The following SMAD7 variants were observed in gnomAD, a reference collection of about 807,000 sequenced individuals.
SMAD7 encodes MAD (mothers against decapentaplegic, Drosophila) homolog 7.
SMAD7 carries 8 observed loss-of-function variants against 38.7 expected under a neutral mutation model. The ratio of observed to expected loss-of-function variants is 0.21; its 90% CI spans 0.12 to 0.37. The LOEUF (loss-of-function observed/expected upper bound fraction) is 0.37. Among genes scored for constraint, SMAD7 ranks in the 10% least tolerant of loss-of-function variants. The pLI is 1.00. For missense variants in SMAD7, 477 were observed against 577.9 expected, an observed-to-expected ratio of 0.83 and a Z score of 1.79; for synonymous variants, 327 against 265.1, an observed-to-expected ratio of 1.23 and a Z score of -2.27.
Position 48,950,512 on chromosome 18 carries a change from T to C in SMAD7, c.-88A>G. The C allele has an allele frequency of 1.5e-6, 2 of 1,342,154 alleles. No individual in the cohort carries two copies. The highest frequency in any genetic ancestry group is 2.0e-6 in the Non-Finnish European group (2 of 1,014,640). 83.1% of individuals were successfully genotyped at this position (1,342,154 alleles called of 1,614,324 possible). ...CACCATGAAGAAGTCGGGCGCCGAG[T>C]TGGGGCAGCAGGCGCAGGCGACAGC... On this transcript the variant is annotated 5_prime_UTR_variant, in exon 1 of 4. Coordinates refer to ENST00000262158, the MANE Select transcript of SMAD7 (RefSeq NM_005904.4).
Position 48,921,111 on chromosome 18 carries a change from C to T in SMAD7, c.*261G>A. Reference sequence around the variant, plus strand: ...TGGTGCTTGGATTTCTGCTTCCCCTCTTCCTATCAGGGTGTCCTGCCGATC... The same window carrying T: ...TGGTGCTTGGATTTCTGCTTCCCCTTTTCCTATCAGGGTGTCCTGCCGATC... On this transcript the variant is annotated 3_prime_UTR_variant, in exon 4 of 4. Coordinates refer to ENST00000262158, the MANE Select transcript of SMAD7 (RefSeq NM_005904.4). This position sits in a 1 kb window ranked among gnomAD's most constrained non-coding sequence, Gnocchi z 6.4. The T allele has an allele frequency of 2.1e-6, 1 of 487,118 alleles. No individual in the cohort carries two copies. Among genetic ancestry groups the T allele is most frequent in the Admixed American group, 3.7e-5 (1 of 26,732 alleles). The allele number at this position is 487,118 out of a possible 1,614,324, so 30.2% of individuals were successfully genotyped here. A position where few individuals can be genotyped will look rare whatever the true frequency, so the allele number is the denominator to read the frequency against.
At chr18:48,935,023 T>C (rs1484255900) in intron 3 of SMAD7, among the ~76,000 whole-genome samples, 1 of 152,178 alleles carries the variant, frequency 6.6e-6, no homozygotes, top group Non-Finnish European at 1.5e-5. Flanking sequence ...TCTTAGAGTA[T>C]AAATACGATC....
At position 48,940,814 on chromosome 18, in the gene SMAD7, GA is replaced by G. The variant is rs78102075; in HGVS notation, c.742+1666del. ...GACAGAGCGAGACTTTGTCAAAAAA[GA>G]AAAAAAAAAAAAAGCCCACCCATCT... On this transcript the variant is annotated intron_variant, in intron 3 of 3. Transcript: ENST00000262158. Among the ~76,000 whole-genome samples the G allele has an allele frequency of 9.9e-3, 1,032 of 104,574 alleles. 8 individuals are homozygous for G. Among genetic ancestry groups the G allele is most frequent in the Non-Finnish European group, 0.013 (620 of 49,040 alleles). The allele number at this position is 104,574 out of a possible 152,430, so 68.6% of individuals were successfully genotyped here.
At chr18:48,922,015 A>C in intron 3 of SMAD7, 105 bp from the exon 4 acceptor site, 2 of 868,926 alleles carry the variant, frequency 2.3e-6, no homozygotes, top group Non-Finnish European at 3.5e-6. Context: ...CTCATCTCTC[A>C]GGACGAGACA....
intron 3 of SMAD7, among the ~76,000 whole-genome samples, chr18:48,927,154 A>G (rs550053813): frequency 3.7e-4 from 56 of 152,324 alleles, no homozygotes; most frequent in African/African-American, 1.3e-3. Context: ...GTTTAGAGTG[A>G]GTTCCTCATG....
chr18:48,928,856 T>G (rs528491845), intron 3 of SMAD7, among the ~76,000 whole-genome samples: 1 of 152,004 alleles, frequency 6.6e-6, no homozygotes, highest in African/African-American at 2.4e-5. Flanking sequence ...AGAATGTAAT[T>G]GAGGGTGGCA....
chr18:48,923,623 C>T (rs894542248), intron 3 of SMAD7, among the ~76,000 whole-genome samples: 2 of 152,178 alleles, frequency 1.3e-5, no homozygotes, highest in African/African-American at 2.4e-5. Context: ...CCCAAGCTGG[C>T]CTTCCCAAAT....
chr18:48,936,688 A>G (rs4939830), intron 3 of SMAD7, among the ~76,000 whole-genome samples: 143,252 of 152,218 alleles, frequency 0.94, 67,547 homozygotes, highest in East Asian at 1. Flanking sequence ...CTGCTTTGAG[A>G]GTGCTGCTCC....
At chr18:48,935,945 C>T (rs1040469066) in intron 3 of SMAD7, among the ~76,000 whole-genome samples, 1 of 152,096 alleles carries the variant, frequency 6.6e-6, no homozygotes, top group Non-Finnish European at 1.5e-5. Context: ...CATGGTGTGG[C>T]ACGCCTGTAA....
intron 3 of SMAD7, among the ~76,000 whole-genome samples, chr18:48,932,192 T>G (rs1487102531): frequency 6.6e-6 from 1 of 152,156 alleles, no homozygotes; most frequent in African/African-American, 2.4e-5. Context: ...TGATCCTCAC[T>G]TAGCCTGCAG....
chr18:48,922,794 A>C (rs1360220929), intron 3 of SMAD7, among the ~76,000 whole-genome samples: 1 of 151,860 alleles, frequency 6.6e-6, no homozygotes, highest in Non-Finnish European at 1.5e-5. Flanking sequence ...CCTTCCACAG[A>C]AGCATCTGGA....
chr18:48,925,434 C>CCG (rs199650977), intron 3 of SMAD7, among the ~76,000 whole-genome samples: 5 of 115,524 alleles, frequency 4.3e-5, no homozygotes, highest in South Asian at 9.0e-4. Flanking sequence ...AAGGTGTTGC[C>CCG]CCCCCCCAAC....
At chr18:48,941,942 C>T (rs542145876) in intron 3 of SMAD7, among the ~76,000 whole-genome samples, 1 of 152,206 alleles carries the variant, frequency 6.6e-6, no homozygotes, top group Non-Finnish European at 1.5e-5. Context: ...TGCTCCCACC[C>T]TGGTGCTCCC....
chr18:48,930,888 C>T (rs147482241), intron 3 of SMAD7, among the ~76,000 whole-genome samples: 2,727 of 152,298 alleles, frequency 0.018, 63 homozygotes, highest in Middle Eastern at 0.048. Context: ...CAGCATTATT[C>T]ACAATAGCCA....
Position 48,950,793 on chromosome 18 carries a change from G to T in SMAD7, c.-369C>A, listed in dbSNP as rs1201425386. 1 of 151,070 alleles carries T rather than the reference G, an allele frequency of 6.6e-6. No homozygotes were observed. Among genetic ancestry groups the T allele is most frequent in the Non-Finnish European group, 1.5e-5 (1 of 67,742 alleles). 9.4% of individuals were successfully genotyped at this position (151,070 alleles called of 1,614,324 possible). A position where few individuals can be genotyped will look rare whatever the true frequency, so the allele number is the denominator to read the frequency against. ...GCCCCCGTCGGCGCCTCCCCAAAAA[G>T]AGGCCCCCCCGCAGTGGCTCCCGAA... is the stretch of plus-strand genomic sequence containing the variant. On this transcript the variant is annotated 5_prime_UTR_variant, in exon 1 of 4. Coordinates refer to ENST00000262158, the MANE Select transcript of SMAD7 (RefSeq NM_005904.4).
At chr18:48,948,926 G>A (rs2070229202) in intron 1 of SMAD7, among the ~76,000 whole-genome samples, 1 of 152,262 alleles carries the variant, frequency 6.6e-6, no homozygotes, top group Admixed American at 6.5e-5. Context: ...GCGTGCTGGG[G>A]AACGTGGGGG....
At chr18:48,939,200 C>G (rs2070107498) in intron 3 of SMAD7, among the ~76,000 whole-genome samples, 1 of 147,694 alleles carries the variant, frequency 6.8e-6, no homozygotes, top group Admixed American at 6.8e-5. Context: ...CACACACAAG[C>G]TTGCACCCAG....
chr18:48,923,385 G>A (rs1009451073), intron 3 of SMAD7, among the ~76,000 whole-genome samples: 1 of 152,194 alleles, frequency 6.6e-6, no homozygotes, highest in Non-Finnish European at 1.5e-5. Context: ...CCAGCAGGCT[G>A]GGTAACTGGG....
chr18:48,922,111 G>A (rs1292016978), intron 3 of SMAD7, among the ~76,000 whole-genome samples: 1 of 152,202 alleles, frequency 6.6e-6, no homozygotes, highest in East Asian at 1.9e-4. Flanking sequence ...TTTAAGCATA[G>A]GAAGCGCTGG....
Sources: gnomAD v4.1 joint callset for allele counts (sites outside exome capture counted in the v4.1 genomes callset) on GRCh38, gnomAD v4.1.1 for gene constraint, Gnocchi (gnomAD v3.1) non-coding constraint, MANE v1.5 for transcripts, NCBI Gene and HGNC (gene_info 2026-07-23, HGNC 2026-07-21) for gene names.